The following ZBTB16 variants were observed in gnomAD, a reference collection of about 807,000 sequenced individuals.
ZBTB16 encodes zinc finger and BTB domain containing 16, also known as zinc finger and BTB domain-containing protein 16.
Under a neutral mutation model 56.8 loss-of-function variants are expected in ZBTB16, and 8 were observed. The observed-to-expected ratio is 0.14, with a 90% confidence interval of 0.08 to 0.25. The LOEUF is 0.25. Among genes scored for constraint, ZBTB16 ranks in the 10% least tolerant of loss-of-function variants. The probability of loss-of-function intolerance (pLI) is 1.00; values close to 1 mark genes in which losing one functional copy is unlikely to be tolerated. For missense variants in ZBTB16, 625 were observed against 903.0 expected, an observed-to-expected ratio of 0.69 and a Z score of 3.95; for synonymous variants, 363 against 368.5, an observed-to-expected ratio of 0.98 and a Z score of 0.17.
At chr11:114,100,246 A>ATC (rs1940560396) in intron 2 of ZBTB16, among the ~76,000 whole-genome samples, 2 of 152,134 alleles carry the variant, frequency 1.3e-5, no homozygotes, top group South Asian at 4.1e-4. Context: ...TTATCCAGTC[A>ATC]TCTCTCTCTG....
chr11:114,131,673 CT>C (rs1941663966), intron 2 of ZBTB16, among the ~76,000 whole-genome samples: 5 of 152,144 alleles, frequency 3.3e-5, no homozygotes, highest in Admixed American at 3.3e-4. Flanking sequence ...AGCTCCCCCC[CT>C]TTTTTTCATT....
intron 2 of ZBTB16, among the ~76,000 whole-genome samples, chr11:114,101,055 C>CA (rs907988454): frequency 6.6e-6 from 1 of 152,116 alleles, no homozygotes; most frequent in African/African-American, 2.4e-5. Flanking sequence ...GGCTGGAGTG[C>CA]AGTGGCATAA....
intron 4 of ZBTB16, among the ~76,000 whole-genome samples, chr11:114,225,082 A>C (rs1485544781): frequency 6.6e-6 from 1 of 152,158 alleles, no homozygotes; most frequent in Non-Finnish European, 1.5e-5. Context: ...GAAGGATCCC[A>C]GGCAGGGGAG....
At chr11:114,083,123 C>CT (rs1416116559) in intron 2 of ZBTB16, among the ~76,000 whole-genome samples, 6 of 152,318 alleles carry the variant, frequency 3.9e-5, no homozygotes, top group African/African-American at 1.2e-4. Flanking sequence ...CCACGGATGC[C>CT]TTTTTGTGGT....
intron 2 of ZBTB16, among the ~76,000 whole-genome samples, chr11:114,070,732 T>A (rs1234523197): frequency 6.6e-6 from 1 of 152,226 alleles, no homozygotes; most frequent in Non-Finnish European, 1.5e-5. Flanking sequence ...ACCATCTTCC[T>A]TGACGTCAAT....
intron 2 of ZBTB16, among the ~76,000 whole-genome samples, chr11:114,131,640 A>C (rs1941662228): frequency 6.6e-6 from 1 of 152,192 alleles, no homozygotes; most frequent in Non-Finnish European, 1.5e-5. Flanking sequence ...TAGGCAGAAT[A>C]AACAATCCGA....
intron 4 of ZBTB16, among the ~76,000 whole-genome samples, chr11:114,204,932 G>A (rs992192295): frequency 2.0e-5 from 3 of 152,156 alleles, no homozygotes; most frequent in Admixed American, 1.3e-4. Flanking sequence ...CTAATTTAAC[G>A]AATGGCACTG....
intron 2 of ZBTB16, among the ~76,000 whole-genome samples, chr11:114,149,500 CAGTT>C (rs756439700): frequency 1.3e-5 from 2 of 152,154 alleles, no homozygotes; most frequent in Admixed American, 6.5e-5. Flanking sequence ...AACTAGCACT[CAGTT>C]AGTTCTTGGT....
intron 2 of ZBTB16, among the ~76,000 whole-genome samples, chr11:114,094,747 T>C (rs1791806): frequency 0.9 from 137,354 of 152,232 alleles, 62,601 homozygotes; most frequent in Non-Finnish European, 0.97. Context: ...GGATCTCAAA[T>C]CTGTTTGCCC....
intron 4 of ZBTB16, among the ~76,000 whole-genome samples, chr11:114,207,585 CACACA>C (rs977360227): frequency 4.3e-5 from 6 of 140,514 alleles, no homozygotes; most frequent in East Asian, 4.2e-4. Flanking sequence ...CTGATACACA[CACACA>C]ACACACACAC....
chr11:114,235,716 CT>C (rs1385669375), intron 4 of ZBTB16, among the ~76,000 whole-genome samples: 52 of 106,386 alleles, frequency 4.9e-4, no homozygotes, highest in African/African-American at 1.8e-3. Flanking sequence ...TTCTTTCTTT[CT>C]TTTTCTTTCT....
Position 114,250,384 on chromosome 11 carries a change from G to A in ZBTB16, c.1851G>A (p.Met617Ile). Residue 617 changes from methionine to isoleucine, a missense_variant, in exon 7 of 7, where the codon ATG (methionine) becomes ATA (isoleucine). Coordinates refer to ENST00000335953, the MANE Select transcript of ZBTB16 (RefSeq NM_006006.6). The surrounding 1 kb of genome is among the most constrained non-coding windows in gnomAD (Gnocchi z 6.0). ...CHQRSRDYSA[M>I]IKHLRTHNGA... is the part of the protein sequence containing the mutation. ...AGCGCTCCCGGGACTACTCGGCCAT[G>A]ATCAAGCACCTGAGAACGCACAACG... 1 of 1,614,028 alleles carries A rather than the reference G, an allele frequency of 6.2e-7. No individual in the cohort carries two copies. Among genetic ancestry groups the A allele is most frequent in the Non-Finnish European group, 8.5e-7 (1 of 1,180,034 alleles).
Position 114,247,330 on chromosome 11 carries a change from A to G in ZBTB16, c.1757A>G (p.Lys586Arg). ...GGCTGTGGCAAGAAGTTCAGCCTCA[A>G]GCATCAGCTGGAGACGCACTATAGG... ...CNGCGKKFSL[K>R]HQLETHYRVH... Residue 586 changes from lysine to arginine, a missense_variant, in exon 6 of 7, where the codon AAG (lysine) becomes AGG (arginine). Physicochemically the swap from Lys to Arg is conservative, Grantham distance 26 (BLOSUM62 2). This residue lies in a region of ZBTB16 where 7 missense variants were observed against 25.1 expected (regional missense o/e 0.28). Coordinates refer to ENST00000335953, the MANE Select transcript of ZBTB16 (RefSeq NM_006006.6). 3 of 1,614,280 alleles carry G rather than the reference A, an allele frequency of 1.9e-6. No homozygotes were observed. Among genetic ancestry groups the G allele is most frequent in the South Asian group, 1.1e-5 (1 of 91,092 alleles).
At chr11:114,138,111 A>G (rs1361150752) in intron 2 of ZBTB16, among the ~76,000 whole-genome samples, 1 of 152,140 alleles carries the variant, frequency 6.6e-6, no homozygotes, top group African/African-American at 2.4e-5. Flanking sequence ...CTGGAGAGAG[A>G]GGCAAGTGGT....
intron 4 of ZBTB16, chr11:114,187,490 G>A (rs1367196388): frequency 1.3e-5 from 3 of 236,466 alleles, no homozygotes; most frequent in African/African-American, 2.2e-5. Context: ...CAGCGTGTAC[G>A]CAGGATGCAT....
chr11:114,062,954 A>G (rs1233000351), intron 1 of ZBTB16, among the ~76,000 whole-genome samples: 1 of 152,178 alleles, frequency 6.6e-6, no homozygotes, highest in South Asian at 2.1e-4. Flanking sequence ...CATCTAACAG[A>G]TGTCATAGAG....
intron 2 of ZBTB16, among the ~76,000 whole-genome samples, chr11:114,145,216 A>G (rs1423617228): frequency 6.6e-6 from 1 of 152,244 alleles, no homozygotes; most frequent in Non-Finnish European, 1.5e-5. Flanking sequence ...TGCTGATGGG[A>G]ATGTAAAATG....
chr11:114,098,689 T>TACTTGG (rs1459776828), intron 2 of ZBTB16, among the ~76,000 whole-genome samples: 3 of 152,160 alleles, frequency 2.0e-5, no homozygotes, highest in African/African-American at 7.2e-5. Context: ...CAATATAACA[T>TACTTGG]ACTTAATGGA....
chr11:114,236,295 G>T (rs1944588682), intron 4 of ZBTB16, among the ~76,000 whole-genome samples: 1 of 152,174 alleles, frequency 6.6e-6, no homozygotes, highest in Admixed American at 6.5e-5. Flanking sequence ...GGTTAGTTAT[G>T]AATTCTCTTA....
Sources: gnomAD v4.1 joint callset for allele counts (sites outside exome capture counted in the v4.1 genomes callset) on GRCh38, gnomAD v4.1.1 for gene constraint, gnomAD v4.1.1 regional missense constraint, Gnocchi (gnomAD v3.1) non-coding constraint, MANE v1.5 for transcripts, NCBI Gene and HGNC (gene_info 2026-07-23, HGNC 2026-07-21) for gene names.